Variants in CCND3 observed in about 807,000 individuals in gnomAD.
CCND3 encodes cyclin D3, also known as G1/S-specific cyclin-D3.
A neutral mutation model predicts 28.7 loss-of-function variants in CCND3; 9 were observed. The observed-to-expected ratio is 0.31, with a 90% confidence interval of 0.19 to 0.55. The LOEUF is 0.55. Ranked by LOEUF, CCND3 falls within the 20% of genes least tolerant of loss-of-function variation. The probability of loss-of-function intolerance (pLI) is 0.93; values close to 1 mark genes in which losing one functional copy is unlikely to be tolerated. For synonymous variants in CCND3, 164 were observed against 163.9 expected (o/e 1.00, Z 0.00); for missense variants, 315 against 385.8 (o/e 0.82, Z 1.54).
intron 1 of CCND3, among the ~76,000 whole-genome samples, chr6:41,958,245 C>T (rs1156309486): frequency 6.6e-6 from 1 of 152,114 alleles, no homozygotes; most frequent in South Asian, 2.1e-4. Context: ...GATTCGCCCA[C>T]CTTGGCCTCC....
intron 1 of CCND3, among the ~76,000 whole-genome samples, chr6:42,025,537 CTG>C (rs1289008909): frequency 6.6e-6 from 1 of 152,220 alleles, no homozygotes; most frequent in Non-Finnish European, 1.5e-5. Context: ...CCTCACCAAA[CTG>C]AGAAAAATCA....
rs1351979879 is a variant in CCND3 at position 41,985,548 on chromosome 6, T to C, written c.-45-44963A>G. On this transcript the variant is annotated intron_variant, in intron 1 of 4. Coordinates refer to the CCND3 transcript ENST00000372988. ...CAGGCTGGTCTCGGACTCCTGACCT[T>C]AGGTAATCCACCCGCCTCGGCCTCC... is the stretch of plus-strand genomic sequence containing the variant. 5.0e-3 allele frequency among the ~76,000 whole-genome samples: 756 copies of C among 151,118 alleles called. 4 individuals carry two copies. Among genetic ancestry groups the C allele is most frequent in the Non-Finnish European group, 8.2e-3 (554 of 67,578 alleles).
chr6:41,935,838 C>G lies in CCND3; in HGVS notation c.*102G>C. On this transcript the variant is annotated 3_prime_UTR_variant, in exon 5 of 5. Coordinates refer to ENST00000372991, the MANE Select transcript of CCND3 (RefSeq NM_001760.5). ...TTGGGCTTTGTGAAGGGGGAACAGA[C>G]GCCCCTTCAGGCTTAGATGTGGTGT... 1 of 1,127,468 alleles carries G rather than the reference C, an allele frequency of 8.9e-7. No individual in the cohort carries two copies. Among genetic ancestry groups the G allele is most frequent in the Non-Finnish European group, 1.3e-6 (1 of 770,220 alleles). The allele number at this position is 1,127,468 out of a possible 1,614,324, so 69.8% of individuals were successfully genotyped here.
At chr6:42,043,992 T>C (rs1764448657) in intron 1 of CCND3, among the ~76,000 whole-genome samples, 1 of 152,168 alleles carries the variant, frequency 6.6e-6, no homozygotes, top group Non-Finnish European at 1.5e-5. Flanking sequence ...TGTCATGCCC[T>C]CTGAAGGGCA....
chr6:42,004,939 G>A (rs888556981), intron 1 of CCND3, among the ~76,000 whole-genome samples: 2 of 152,020 alleles, frequency 1.3e-5, no homozygotes, highest in Non-Finnish European at 2.9e-5. Flanking sequence ...AAAGAAAACA[G>A]ACTCAGAATG....
chr6:42,030,337 G>A (rs913697202), intron 1 of CCND3: 2 of 152,418 alleles, frequency 1.3e-5, no homozygotes, highest in Non-Finnish European at 2.9e-5. Context: ...AATATGGGGT[G>A]TTTGGGGCAG....
intron 1 of CCND3, among the ~76,000 whole-genome samples, chr6:41,972,240 A>AAAAAGAAAAGAAAAG (rs759984779): frequency 0.16 from 15,500 of 99,574 alleles, 1,693 homozygotes; most frequent in Middle Eastern, 0.33. Context: ...AAAAAAAAAA[A>AAAAAGAAAAGAAAAG]AAAAGAAAAG....
chr6:41,998,134 C>T (rs1013114961), intron 1 of CCND3, among the ~76,000 whole-genome samples: 1 of 151,560 alleles, frequency 6.6e-6, no homozygotes, highest in African/African-American at 2.4e-5. Context: ...ACTAAAAATA[C>T]AAAATAAACT....
At chr6:41,947,029 C>G (rs1776189065) in intron 1 of CCND3, among the ~76,000 whole-genome samples, 1 of 152,008 alleles carries the variant, frequency 6.6e-6, no homozygotes, top group Admixed American at 6.6e-5. Flanking sequence ...ACCAGCCTAA[C>G]CAACATGGTG....
chr6:41,995,711 G>A (rs73426302), intron 1 of CCND3, among the ~76,000 whole-genome samples: 7,599 of 152,100 alleles, frequency 0.05, 346 homozygotes, highest in African/African-American at 0.11. Flanking sequence ...ATTAAATTTT[G>A]TTTTTATAAA....
At chr6:41,979,171 C>CAA (rs58797317) in intron 1 of CCND3, among the ~76,000 whole-genome samples, 49,671 of 87,626 alleles carry the variant, frequency 0.57, 14,648 homozygotes, top group African/African-American at 0.62. Context: ...AACTCTGTCT[C>CAA]AAAAAAAAAA....
upstream of CCND3, among the ~76,000 whole-genome samples, chr6:41,942,517 GAA>G (rs3050130): frequency 0.012 from 1,879 of 152,250 alleles, 25 homozygotes; most frequent in South Asian, 0.059. Context: ...TAACAGAACG[GAA>G]AGGCCATGGA....
intron 1 of CCND3, among the ~76,000 whole-genome samples, chr6:42,026,679 T>C (rs1763884963): frequency 6.6e-6 from 1 of 152,188 alleles, no homozygotes; most frequent in Non-Finnish European, 1.5e-5. Flanking sequence ...CCACTATGTA[T>C]GTTCCCCAAA....
At chr6:41,951,790 G>T (rs747553975) in intron 1 of CCND3, among the ~76,000 whole-genome samples, 2 of 151,200 alleles carry the variant, frequency 1.3e-5, no homozygotes, top group South Asian at 2.1e-4. Flanking sequence ...ACAGAGTCTC[G>T]CTCTGTCGCC....
chr6:42,021,352 T>C (rs1483638504), intron 1 of CCND3, among the ~76,000 whole-genome samples: 3 of 152,196 alleles, frequency 2.0e-5, no homozygotes, highest in African/African-American at 7.2e-5. Flanking sequence ...TCTGTTCTGT[T>C]TCCCCTCACT....
At chr6:41,964,634 TGGCCTATGTG>T (rs2127405728) in intron 1 of CCND3, among the ~76,000 whole-genome samples, 1 of 152,270 alleles carries the variant, frequency 6.6e-6, no homozygotes, top group African/African-American at 2.4e-5. Flanking sequence ...AGAGAGCATC[TGGCCTATGTG>T]GTTCAGCACT....
intron 1 of CCND3, among the ~76,000 whole-genome samples, chr6:41,977,302 T>G (rs1222340193): frequency 6.6e-6 from 1 of 152,178 alleles, no homozygotes; most frequent in African/African-American, 2.4e-5. Context: ...ATATACTGCA[T>G]TTCATAAAAT....
At chr6:42,022,708 A>G (rs1349928890) in intron 1 of CCND3, among the ~76,000 whole-genome samples, 1 of 152,170 alleles carries the variant, frequency 6.6e-6, no homozygotes, top group African/African-American at 2.4e-5. Context: ...CTTCCTTTAC[A>G]CATGCGTGGG....
intron 1 of CCND3, among the ~76,000 whole-genome samples, chr6:41,981,565 C>T (rs1661688504): frequency 6.6e-6 from 1 of 151,890 alleles, no homozygotes; most frequent in African/African-American, 2.4e-5. Flanking sequence ...GCTCTTTCAC[C>T]CAGGCTGGAG....
Sources: gnomAD v4.1 joint callset for allele counts (sites outside exome capture counted in the v4.1 genomes callset) on GRCh38, gnomAD v4.1.1 for gene constraint, MANE v1.5 for transcripts, NCBI Gene and HGNC (gene_info 2026-07-23, HGNC 2026-07-21) for gene names.